The following OTOG variants were observed in gnomAD, a reference collection of about 807,000 sequenced individuals.
OTOG encodes otogelin.
A neutral mutation model predicts 313.8 loss-of-function variants in OTOG; 296 were observed. The ratio of observed to expected loss-of-function variants is 0.94; its 90% CI spans 0.86 to 1.04. The LOEUF (loss-of-function observed/expected upper bound fraction) is 1.04. Ranked by LOEUF, OTOG falls within the 50% of genes least tolerant of loss-of-function variation. The probability of loss-of-function intolerance (pLI) is 0.00; values close to 1 mark genes in which losing one functional copy is unlikely to be tolerated. For missense variants in OTOG, 3,948 were observed against 3,840.1 expected (o/e 1.03, Z -0.74); for synonymous variants, 1,533 against 1,554.9 (o/e 0.99, Z 0.33).
At chr11:17,594,271 C>G in intron 28 of OTOG, 105 bp downstream of exon 28, 1 of 1,404,988 alleles carries the variant, frequency 7.1e-7, no homozygotes, top group South Asian at 1.3e-5. Context: ...TGTGAGGTTT[C>G]TCCTGCAATG....
rs535798729 is a variant in OTOG at position 17,596,060 on chromosome 11, G to A, written c.3431G>A (p.Arg1144Gln). Residue 1144 changes from arginine (R) to glutamine (Q), a missense_variant, in exon 29 of 56, where the codon CGG becomes CAG. Coordinates refer to ENST00000399397, the MANE Select transcript of OTOG (RefSeq NM_001292063.2). Reference sequence around the variant, plus strand: ...CAGTGCCCAGACACCCTCGATCCTCGGGATATGTGTGTCCTGAATCCTCTC... The same window carrying A: ...CAGTGCCCAGACACCCTCGATCCTCAGGATATGTGTGTCCTGAATCCTCTC... ...AVECPDTLDP[R>Q]DMCVLNPLRE... is the part of the protein sequence containing the mutation. 2.6e-5 allele frequency: 41 copies of A among 1,550,794 alleles called. No individual in the cohort carries two copies. The highest frequency in any genetic ancestry group is 8.2e-5 in the African/African-American group (6 of 73,160).
intron 15 of OTOG, 80 bp downstream of exon 15, chr11:17,561,887 A>G: frequency 1.3e-6 from 2 of 1,509,166 alleles, no homozygotes; most frequent in Non-Finnish European, 1.8e-6. Context: ...GACTTAGGAC[A>G]GGGCTCAGGT....
chr11:17,577,037 A>G (rs1460909610), intron 22 of OTOG, 126 bp downstream of exon 22: 2 of 957,806 alleles, frequency 2.1e-6, no homozygotes, highest in African/African-American at 1.7e-5. Context: ...GGCCTTCCGT[A>G]TTCCTTGCCC....
rs1027403751 is a variant in OTOG, at chr11:17,557,119, G to A, written c.661G>A (p.Val221Ile). Residue 221 changes from valine to isoleucine, a missense_variant and splice_region_variant, in exon 8 of 56, where the codon GTC (valine) becomes ATC (isoleucine). Transcript: ENST00000399397. ...GAAGCTCTGGGATGTGCCCTGCAGG[G>A]TCCAACTGCCACATGTCATGGGGAG... Reference protein sequence around the residue: ...AKEVTHGGMRVQLPHVMGSAR... With the variant: ...AKEVTHGGMRIQLPHVMGSAR... 1.8e-5 allele frequency: 28 copies of A among 1,549,464 alleles called. No homozygotes were observed. In the African/African-American group the frequency reaches 3.2e-4, roughly 17 times the overall value.
intron 44 of OTOG, 83 bp from the exon 45 acceptor site, chr11:17,634,761 G>A (rs1854219612): frequency 1.7e-6 from 2 of 1,178,526 alleles, no homozygotes. Context: ...TCCAGGGGTT[G>A]GGCAGTTGTC....
intron 23 of OTOG, among the ~76,000 whole-genome samples, chr11:17,579,094 C>T (rs1254206924): frequency 6.6e-6 from 1 of 152,202 alleles, no homozygotes; most frequent in Non-Finnish European, 1.5e-5. Context: ...GCTCTGTACA[C>T]CGACGTGGCC....
intron 48 of OTOG, 197 bp downstream of exon 48, chr11:17,638,746 TAG>T: frequency 6.5e-7 from 1 of 1,543,442 alleles, no homozygotes; most frequent in Non-Finnish European, 8.7e-7. Flanking sequence ...CTTTTCTCTC[TAG>T]GATAAAAGAA....
chr11:17,550,458 G>A (rs763686418), intron 3 of OTOG, among the ~76,000 whole-genome samples: 5 of 152,194 alleles, frequency 3.3e-5, no homozygotes, highest in African/African-American at 9.6e-5. Flanking sequence ...TAAGGGGTTC[G>A]TGGCATAAAA....
intron 12 of OTOG, among the ~76,000 whole-genome samples, chr11:17,560,023 C>T (rs1397468342): frequency 6.6e-6 from 1 of 152,158 alleles, no homozygotes; most frequent in Non-Finnish European, 1.5e-5. Context: ...TCGAGAGATT[C>T]ATCAGGACAT....
At chr11:17,613,195 T>TTTTTTCTTTC (rs1853616125) in intron 38 of OTOG, among the ~76,000 whole-genome samples, 1 of 65,328 alleles carries the variant, frequency 1.5e-5, no homozygotes, top group Non-Finnish European at 2.9e-5. Context: ...TCTTTCTTTC[T>TTTTTTCTTTC]TTTCTTTCTT....
At chr11:17,592,222 G>A (rs1590025614) in intron 25 of OTOG, among the ~76,000 whole-genome samples, 1 of 152,262 alleles carries the variant, frequency 6.6e-6, no homozygotes, top group East Asian at 1.9e-4. Context: ...TCACCCAGGG[G>A]ACCTTGGGTT....
chr11:17,584,289 C>G (rs1190160701), intron 23 of OTOG, among the ~76,000 whole-genome samples: 2 of 152,056 alleles, frequency 1.3e-5, no homozygotes. Flanking sequence ...TTTTACATCT[C>G]CCATGTTTCT....
At position 17,639,009 on chromosome 11, in the gene OTOG, C is replaced by T. The variant is rs113611609; in HGVS notation, c.7895-414C>T. On this transcript the variant is annotated intron_variant, in intron 48 of 55. Transcript: ENST00000399397. The stretch of plus-strand genomic sequence containing the variant: ...TGGACGTTGCAGTGAGTCAAGATAG[C>T]GCCACTGCACTCCAGCCTGGGCGAC... 2,225 of 348,480 alleles carry T rather than the reference C, an allele frequency of 6.4e-3. 37 individuals carry two copies. Among genetic ancestry groups the T allele is most frequent in the African/African-American group, 0.043 (2,025 of 47,310 alleles). The allele number at this position is 348,480 out of a possible 1,614,324, so 21.6% of individuals were successfully genotyped here.
Position 17,606,106 on chromosome 11 carries a change from T to G in OTOG, c.4127T>G (p.Phe1376Cys). Residue 1376 changes from phenylalanine (F) to cysteine (C), a missense_variant, in exon 33 of 56, where the codon TTC (phenylalanine) becomes TGC (cysteine). Phe to Cys is a radical substitution (Grantham distance 205, BLOSUM62 -2). Coordinates refer to ENST00000399397, the MANE Select transcript of OTOG (RefSeq NM_001292063.2). ...CGGCTGTACGAACACACAGAGGTGTTCCGCCGGGGCACACTCTTCCGCCTT... is the reference window on the plus strand; with the variant it reads ...CGGCTGTACGAACACACAGAGGTGTGCCGCCGGGGCACACTCTTCCGCCTT... ...ALRLYEHTEV[F>C]RRGTLFRLLD... 1 of 1,545,568 alleles carries G rather than the reference T, an allele frequency of 6.5e-7. No homozygotes were observed. The highest frequency in any genetic ancestry group is 1.2e-5 in the South Asian group (1 of 83,608).
At position 17,559,550 on chromosome 11, in the gene OTOG, GA is replaced by G; in HGVS notation, c.1232del (p.Lys411ArgfsTer67). 1 of 1,550,714 alleles carries G rather than the reference GA, an allele frequency of 6.4e-7. No homozygotes were observed. The highest frequency in any genetic ancestry group is 2.4e-5 in the East Asian group (1 of 40,914). ...LRQCTVHCKE[K>X]AFTYNECIAC... ...CTTCCCAAGCTGTGCACTGCAAGGA[GA>G]AGGCCTTTACCTACAATGAGTGCAT... is the stretch of plus-strand genomic sequence containing the variant. On this transcript the variant is annotated frameshift_variant, in exon 12 of 56. Transcript: ENST00000399397. LOFTEE classifies it high-confidence loss of function.
At position 17,556,855 on chromosome 11, in the gene OTOG, A is replaced by G. The variant is rs146403541; in HGVS notation, c.660-263A>G. 2.6e-5 allele frequency among the ~76,000 whole-genome samples: 4 copies of G among 152,288 alleles called. No homozygotes were observed. The East Asian group carries it at 5.8e-4, about 22-fold the overall frequency. On this transcript the variant is annotated intron_variant, in intron 7 of 55. Transcript: ENST00000399397. ...TAAAGCAGATGTTTGTTTATATTCT[A>G]TCCTGTCTGGGAGAAAGGAACTTGG...
chr11:17,602,901 C>T (rs909002178), intron 32 of OTOG, among the ~76,000 whole-genome samples: 3 of 152,174 alleles, frequency 2.0e-5, no homozygotes, highest in Non-Finnish European at 2.9e-5. Context: ...TGCCCAAAGG[C>T]GGAACACGGG....
intron 15 of OTOG, among the ~76,000 whole-genome samples, chr11:17,567,096 A>G (rs1852307399): frequency 6.6e-6 from 1 of 152,254 alleles, no homozygotes; most frequent in Non-Finnish European, 1.5e-5. Flanking sequence ...GAACTGAGAT[A>G]TGGAGAATTT....
Position 17,631,755 on chromosome 11 carries a change from G to T in OTOG, c.6766G>T (p.Val2256Leu), listed in dbSNP as rs1394590738. The T allele has an allele frequency of 6.4e-7, 1 of 1,550,636 alleles. No individual in the cohort carries two copies. Among genetic ancestry groups the T allele is most frequent in the Admixed American group, 2.0e-5 (1 of 51,012 alleles). ...NDLTLKDGSV[V>L]GGAEDPAPFL... ...CCTTACCCTGAAGGATGGCTCAGTG[G>T]TGGGTGGGGCTGAGGACCCTGCTCC... The change falls in exon 41 of 56, where the codon GTG becomes TTG. Residue 2256 changes from valine (V) to leucine (L), a missense_variant. Transcript: ENST00000399397.
Sources: allele counts gnomAD v4.1 joint callset (sites outside exome capture counted in the v4.1 genomes callset), GRCh38; gene constraint gnomAD v4.1.1; transcripts MANE v1.5; gene names NCBI Gene and HGNC (gene_info 2026-07-23, HGNC 2026-07-21).